The following PARD3 variants were observed in gnomAD, a reference collection of about 807,000 sequenced individuals.
PARD3 encodes partitioning defective 3 homolog.
A neutral mutation model predicts 155.4 loss-of-function variants in PARD3; 75 were observed. That is an observed-to-expected ratio of 0.48 (90% confidence interval 0.40 to 0.58). The LOEUF is 0.58. PARD3 is among the 20% of genes least tolerant of loss of function. The pLI is 0.00. For synonymous variants in PARD3, 576 were observed against 610.5 expected, an observed-to-expected ratio of 0.94 and a Z score of 0.83; for missense variants, 1,642 against 1,721.7, an observed-to-expected ratio of 0.95 and a Z score of 0.82.
intron 2 of PARD3, among the ~76,000 whole-genome samples, chr10:34,677,078 C>T (rs1158191761): frequency 1.3e-5 from 2 of 152,122 alleles, no homozygotes; most frequent in Non-Finnish European, 2.9e-5. Flanking sequence ...AATATGGTGG[C>T]AGTTTCTGCG....
chr10:34,621,631 C>T (rs1381927291), intron 2 of PARD3, among the ~76,000 whole-genome samples: 2 of 152,198 alleles, frequency 1.3e-5, no homozygotes, highest in Non-Finnish European at 2.9e-5. Flanking sequence ...GCACTGCTAC[C>T]TTGACACCTT....
intron 11 of PARD3, among the ~76,000 whole-genome samples, chr10:34,374,118 A>C (rs1840977632): frequency 6.6e-6 from 1 of 152,136 alleles, no homozygotes. Flanking sequence ...TCAAAAGACA[A>C]AGGCAACTCC....
chr10:34,215,686 C>T (rs1951970063), intron 22 of PARD3, among the ~76,000 whole-genome samples: 1 of 152,176 alleles, frequency 6.6e-6, no homozygotes, highest in South Asian at 2.1e-4. Context: ...CCTTCTATAA[C>T]GTTTGTAGGA....
intron 22 of PARD3, among the ~76,000 whole-genome samples, chr10:34,146,186 C>G (rs1378828699): frequency 6.6e-6 from 1 of 152,148 alleles, no homozygotes; most frequent in African/African-American, 2.4e-5. Flanking sequence ...GCTTTACTCT[C>G]TAATGTTAGA....
At chr10:34,139,899 G>C (rs1948093188) in intron 22 of PARD3, among the ~76,000 whole-genome samples, 1 of 152,136 alleles carries the variant, frequency 6.6e-6, no homozygotes, top group Non-Finnish European at 1.5e-5. Context: ...CATTCAGAGA[G>C]GCAGGTAAAC....
At chr10:34,161,186 A>G (rs1201827253) in intron 22 of PARD3, among the ~76,000 whole-genome samples, 1 of 148,756 alleles carries the variant, frequency 6.7e-6, no homozygotes, top group Non-Finnish European at 1.5e-5. Flanking sequence ...CTGAGACTGC[A>G]GTGAGCCAAG....
intron 22 of PARD3, among the ~76,000 whole-genome samples, chr10:34,173,199 C>T (rs682376): frequency 0.23 from 35,728 of 152,112 alleles, 4,371 homozygotes; most frequent in Middle Eastern, 0.35. Flanking sequence ...CGAAAAACCC[C>T]GAAGTCTTGC....
chr10:34,567,178 T>C (rs955620417), intron 2 of PARD3, among the ~76,000 whole-genome samples: 5 of 152,142 alleles, frequency 3.3e-5, no homozygotes, highest in African/African-American at 7.2e-5. Context: ...AAAAGGAGGA[T>C]TGCTAGGTGA....
chr10:34,715,766 T>C (rs1430501476), intron 1 of PARD3, among the ~76,000 whole-genome samples: 2 of 152,210 alleles, frequency 1.3e-5, no homozygotes, highest in Non-Finnish European at 2.9e-5. Context: ...CGGAACAAGA[T>C]GCAGGGTCAT....
intron 22 of PARD3, 139 bp from the exon 23 acceptor site, chr10:34,131,722 T>C: frequency 1.4e-6 from 1 of 705,716 alleles, no homozygotes; most frequent in Non-Finnish European, 2.4e-6. Flanking sequence ...ATGTGGGCAT[T>C]TAAAATATGT....
intron 20 of PARD3, among the ~76,000 whole-genome samples, chr10:34,290,521 T>G (rs1310370714): frequency 6.6e-6 from 1 of 152,136 alleles, no homozygotes; most frequent in African/African-American, 2.4e-5. Flanking sequence ...TTAAAATGAA[T>G]CAAATATGAG....
At chr10:34,565,465 C>A (rs1332932938) in intron 2 of PARD3, among the ~76,000 whole-genome samples, 1 of 151,648 alleles carries the variant, frequency 6.6e-6, no homozygotes, top group Non-Finnish European at 1.5e-5. Context: ...CAGGGTTTCA[C>A]CATGTTGGCC....
intron 2 of PARD3, among the ~76,000 whole-genome samples, chr10:34,580,631 T>C (rs2087357201): frequency 6.6e-6 from 1 of 152,232 alleles, no homozygotes; most frequent in Non-Finnish European, 1.5e-5. Context: ...AACCATAGTT[T>C]TTACTAATCC....
chr10:34,243,311 T>A (rs1352364816), intron 22 of PARD3, among the ~76,000 whole-genome samples: 1 of 152,216 alleles, frequency 6.6e-6, no homozygotes, highest in African/African-American at 2.4e-5. Context: ...ATGCAAATCA[T>A]CCTTATGCAT....
intron 5 of PARD3, among the ~76,000 whole-genome samples, chr10:34,408,301 A>T (rs1338289046): frequency 1.3e-5 from 2 of 152,194 alleles, no homozygotes; most frequent in Non-Finnish European, 2.9e-5. Context: ...AACAGTAAAT[A>T]AAATATTTTA....
intron 3 of PARD3, among the ~76,000 whole-genome samples, chr10:34,473,290 C>T (rs746035284): frequency 7.2e-5 from 11 of 152,286 alleles, no homozygotes; most frequent in Non-Finnish European, 1.5e-4. Flanking sequence ...AGTACTCCCA[C>T]GCAATTTCAG....
At chr10:34,799,747 T>C (rs1434885185) in intron 1 of PARD3, among the ~76,000 whole-genome samples, 1 of 151,974 alleles carries the variant, frequency 6.6e-6, no homozygotes, top group Non-Finnish European at 1.5e-5. Context: ...TCCCAGCACT[T>C]TGGGGAGCCA....
At chr10:34,679,231 C>T (rs1396124738) in intron 2 of PARD3, among the ~76,000 whole-genome samples, 6 of 152,170 alleles carry the variant, frequency 3.9e-5, no homozygotes, top group Admixed American at 2.0e-4. Context: ...ACGGCACAGA[C>T]GGCATCCGGC....
chr10:34,665,076 CACAATT>C (rs1220443657), intron 2 of PARD3, among the ~76,000 whole-genome samples: 3 of 151,810 alleles, frequency 2.0e-5, no homozygotes, highest in Admixed American at 6.6e-5. Flanking sequence ...TAAGTAAAAC[CACAATT>C]ACAAAGTTTT....
Sources: allele counts gnomAD v4.1 joint callset (sites outside exome capture counted in the v4.1 genomes callset), GRCh38; gene constraint gnomAD v4.1.1; transcripts MANE v1.5; gene names NCBI Gene and HGNC (gene_info 2026-07-23, HGNC 2026-07-21).